Variants in MEMO1 observed in about 807,000 individuals in gnomAD.
MEMO1 encodes mediator of cell motility 1.
A neutral mutation model predicts 45.2 loss-of-function variants in MEMO1; 6 were observed. That is an observed-to-expected ratio of 0.13 (90% CI 0.07 to 0.26). MEMO1 has a LOEUF of 0.26. Among genes scored for constraint, MEMO1 ranks in the 10% least tolerant of loss-of-function variants. The pLI is 1.00. For synonymous variants in MEMO1, 78 were observed against 124.3 expected (o/e 0.63, Z 2.48); for missense variants, 184 against 370.5 (o/e 0.50, Z 4.13).
chr2:31,928,834 T>G (rs576490069), intron 4 of MEMO1, among the ~76,000 whole-genome samples: 1 of 152,310 alleles, frequency 6.6e-6, no homozygotes, highest in East Asian at 1.9e-4. Flanking sequence ...TACCCCGCTT[T>G]TTTTATTTAG....
rs1674759313 is a variant in MEMO1 at position 31,877,733 on chromosome 2, C to A, written c.657+5653G>T. Among the ~76,000 whole-genome samples the A allele has an allele frequency of 3.3e-5, 5 of 152,080 alleles. No individual in the cohort carries two copies. The South Asian group carries it at 1.0e-3, about 31-fold the overall frequency. On this transcript the variant is annotated intron_variant, in intron 8 of 9. Coordinates refer to ENST00000404530, the MANE Select transcript of MEMO1 (RefSeq NM_001301833.4). ...CTGTTTTTACATTAATAATACTATT[C>A]ATAAATATTTAAATACTTCATTGTA...
At chr2:31,920,046 C>G (rs780385886) in intron 5 of MEMO1, among the ~76,000 whole-genome samples, 9 of 151,452 alleles carry the variant, frequency 5.9e-5, no homozygotes, top group Non-Finnish European at 1.0e-4. Flanking sequence ...GTGGTTACTT[C>G]TGGGAAGGTA....
intron 8 of MEMO1, among the ~76,000 whole-genome samples, chr2:31,882,058 C>T (rs142791123): frequency 1.3e-5 from 2 of 151,602 alleles, no homozygotes; most frequent in South Asian, 2.1e-4. Context: ...GTGGGAGAAT[C>T]GCTTGAGCCC....
At chr2:31,977,550 G>C (rs1670147251) in intron 2 of MEMO1, among the ~76,000 whole-genome samples, 1 of 152,006 alleles carries the variant, frequency 6.6e-6, no homozygotes, top group Admixed American at 6.6e-5. Context: ...TTCTCACTCT[G>C]TCACCCAGGC....
chr2:31,893,605 T>A (rs192516930), intron 6 of MEMO1, among the ~76,000 whole-genome samples: 1 of 152,218 alleles, frequency 6.6e-6, no homozygotes, highest in Non-Finnish European at 1.5e-5. Context: ...AAGAAATGGG[T>A]TCAAGTGCCA....
intron 2 of MEMO1, among the ~76,000 whole-genome samples, chr2:31,958,386 G>A (rs1667638620): frequency 6.6e-6 from 1 of 151,614 alleles, no homozygotes; most frequent in Non-Finnish European, 1.5e-5. Context: ...CTGGATTGAA[G>A]TGGTACCTCT....
intron 4 of MEMO1, among the ~76,000 whole-genome samples, chr2:31,929,745 G>T (rs939324464): frequency 1.7e-4 from 26 of 152,146 alleles, no homozygotes; most frequent in Non-Finnish European, 2.6e-4. Context: ...GAACAAAAAT[G>T]GATTAATGTG....
chr2:31,991,401 G>A (rs778427698), intron 2 of MEMO1, among the ~76,000 whole-genome samples: 7 of 151,948 alleles, frequency 4.6e-5, no homozygotes, highest in Non-Finnish European at 8.8e-5. Context: ...GAGAAACCCC[G>A]TCTCTACTAA....
At chr2:31,894,120 G>A (rs950134103) in intron 6 of MEMO1, among the ~76,000 whole-genome samples, 16 of 152,080 alleles carry the variant, frequency 1.1e-4, no homozygotes, top group African/African-American at 2.2e-4. Context: ...AGATAAAAGC[G>A]TCAAAAACAA....
At chr2:31,982,514 C>T (rs1452651835) in intron 2 of MEMO1, among the ~76,000 whole-genome samples, 1 of 148,854 alleles carries the variant, frequency 6.7e-6, no homozygotes, top group Non-Finnish European at 1.5e-5. Context: ...CGTTTGAACC[C>T]AGGAGGCAGA....
intron 2 of MEMO1, among the ~76,000 whole-genome samples, chr2:31,984,268 G>C (rs1038568521): frequency 6.6e-6 from 1 of 152,186 alleles, no homozygotes; most frequent in South Asian, 2.1e-4. Context: ...AATATATGAT[G>C]AGGTCATTAT....
intron 2 of MEMO1, among the ~76,000 whole-genome samples, chr2:31,969,679 C>G (rs1669148388): frequency 6.7e-6 from 1 of 149,462 alleles, no homozygotes; most frequent in Non-Finnish European, 1.5e-5. Flanking sequence ...TGCAATGGCA[C>G]AATCACTGTA....
At chr2:31,984,090 A>T (rs1384764169) in intron 2 of MEMO1, among the ~76,000 whole-genome samples, 1 of 152,206 alleles carries the variant, frequency 6.6e-6, no homozygotes, top group Non-Finnish European at 1.5e-5. Context: ...AATGTATGCA[A>T]ATATTTCCTC....
chr2:31,909,196 G>A (rs1482141779), intron 6 of MEMO1, among the ~76,000 whole-genome samples: 1 of 152,164 alleles, frequency 6.6e-6, no homozygotes, highest in African/African-American at 2.4e-5. Flanking sequence ...ACTAAGATCT[G>A]GAACAAGATA....
intron 2 of MEMO1, among the ~76,000 whole-genome samples, chr2:31,948,245 A>C (rs570171807): frequency 6.6e-6 from 1 of 152,366 alleles, no homozygotes; most frequent in East Asian, 1.9e-4. Flanking sequence ...ACAAGCTGGT[A>C]AGAGAAACAT....
chr2:31,970,432 A>G (rs1669248223), intron 2 of MEMO1, among the ~76,000 whole-genome samples: 2 of 152,116 alleles, frequency 1.3e-5, no homozygotes, highest in Admixed American at 6.5e-5. Context: ...CCTCGTTTTT[A>G]TTTTAGCCAA....
At chr2:31,974,200 C>T (rs1669736700) in intron 2 of MEMO1, among the ~76,000 whole-genome samples, 1 of 151,168 alleles carries the variant, frequency 6.6e-6, no homozygotes, top group African/African-American at 2.4e-5. Context: ...CCTTTATTCA[C>T]CATGTTTTTG....
intron 2 of MEMO1, among the ~76,000 whole-genome samples, chr2:32,007,290 T>C (rs1674218728): frequency 6.6e-6 from 1 of 152,178 alleles, no homozygotes; most frequent in Non-Finnish European, 1.5e-5. Context: ...CCTGTTCAAA[T>C]ACTCTTCCTT....
At chr2:32,001,220 T>C (rs34246971) in intron 2 of MEMO1, among the ~76,000 whole-genome samples, 14,902 of 151,704 alleles carry the variant, frequency 0.098, 784 homozygotes, top group Middle Eastern at 0.2. Flanking sequence ...TTTGTATTTT[T>C]AGTAGAGACG....
Sources: allele counts gnomAD v4.1 joint callset (sites outside exome capture counted in the v4.1 genomes callset), GRCh38; gene constraint gnomAD v4.1.1; transcripts MANE v1.5; gene names NCBI Gene and HGNC (gene_info 2026-07-23, HGNC 2026-07-21).